The following ATXN7L1 variants were observed in gnomAD, a reference collection of about 807,000 sequenced individuals.
ATXN7L1 encodes the protein ataxin-7-like protein 1.
In ATXN7L1, 15 loss-of-function variants were observed where a neutral mutation model predicts 70.8. The ratio of observed to expected loss-of-function variants is 0.21; its 90% confidence interval spans 0.14 to 0.33. ATXN7L1 has a LOEUF of 0.33. Among genes scored for constraint, ATXN7L1 ranks in the 10% least tolerant of loss-of-function variants. ATXN7L1 has a pLI of 1.00. For synonymous variants in ATXN7L1, 440 were observed against 445.1 expected (o/e 0.99, Z 0.14); for missense variants, 975 against 1,097.1 (o/e 0.89, Z 1.57).
chr7:105,836,065 C>G (rs957546796), intron 2 of ATXN7L1, among the ~76,000 whole-genome samples: 4 of 152,162 alleles, frequency 2.6e-5, no homozygotes, highest in African/African-American at 9.7e-5. Flanking sequence ...GCAGCTGGCA[C>G]GCGCTGCATC....
At chr7:105,876,202 C>T (rs1819266506) in intron 1 of ATXN7L1, among the ~76,000 whole-genome samples, 176 bp downstream of exon 1, 1 of 152,032 alleles carries the variant, frequency 6.6e-6, no homozygotes, top group South Asian at 2.1e-4. Context: ...GCAGCCGGGC[C>T]TCTCCCTGTG....
At chr7:105,822,297 T>G (rs1810277157) in intron 2 of ATXN7L1, among the ~76,000 whole-genome samples, 1 of 152,138 alleles carries the variant, frequency 6.6e-6, no homozygotes, top group African/African-American at 2.4e-5. Context: ...ACATCTATAG[T>G]GTGGAAAACA....
chr7:105,871,342 C>T (rs1818233122), intron 2 of ATXN7L1, among the ~76,000 whole-genome samples: 1 of 152,148 alleles, frequency 6.6e-6, no homozygotes, highest in South Asian at 2.1e-4. Context: ...CCAGGTTGTC[C>T]TGGATATAAG....
At chr7:105,648,478 C>T (rs1258460392) in intron 4 of ATXN7L1, among the ~76,000 whole-genome samples, 1 of 152,206 alleles carries the variant, frequency 6.6e-6, no homozygotes, top group African/African-American at 2.4e-5. Context: ...AAGTCCTGAA[C>T]TGAGAAAGCA....
intron 3 of ATXN7L1, among the ~76,000 whole-genome samples, chr7:105,733,232 G>C (rs1584868593): frequency 6.6e-6 from 1 of 152,264 alleles, no homozygotes; most frequent in East Asian, 1.9e-4. Flanking sequence ...ATACATGAAT[G>C]AATGGGTGAT....
intron 3 of ATXN7L1, among the ~76,000 whole-genome samples, chr7:105,734,356 T>G (rs1209488894): frequency 2.0e-5 from 3 of 152,184 alleles, no homozygotes; most frequent in African/African-American, 7.2e-5. Flanking sequence ...CTACAGTCCT[T>G]TCCTCAGACT....
chr7:105,626,729 A>AATAAAAC (rs1211364441), intron 7 of ATXN7L1, among the ~76,000 whole-genome samples: 6 of 152,176 alleles, frequency 3.9e-5, no homozygotes, highest in Admixed American at 2.6e-4. Context: ...AGACCCAAAT[A>AATAAAAC]ATAAAACAAT....
intron 3 of ATXN7L1, among the ~76,000 whole-genome samples, chr7:105,677,454 T>G (rs957089181): frequency 6.6e-6 from 1 of 152,224 alleles, no homozygotes; most frequent in Non-Finnish European, 1.5e-5. Flanking sequence ...ATTACTGGTT[T>G]ACTGGTCTAA....
intron 3 of ATXN7L1, chr7:105,788,331 T>C (rs984545731): frequency 5.4e-6 from 2 of 373,680 alleles, no homozygotes; most frequent in Admixed American, 7.4e-5. Context: ...GCAGAGGCCA[T>C]CGCTAGGCTG....
intron 3 of ATXN7L1, among the ~76,000 whole-genome samples, chr7:105,701,376 T>G (rs1007235833): frequency 1.3e-5 from 2 of 152,206 alleles, no homozygotes; most frequent in African/African-American, 4.8e-5. Context: ...AATATATGCA[T>G]GTAGATACAT....
chr7:105,715,489 G>A (rs964194923), intron 3 of ATXN7L1, among the ~76,000 whole-genome samples: 1 of 152,168 alleles, frequency 6.6e-6, no homozygotes, highest in Non-Finnish European at 1.5e-5. Flanking sequence ...GAATTCCTTT[G>A]GCTGCCAAGC....
chr7:105,737,970 G>T (rs1233429632), intron 3 of ATXN7L1, among the ~76,000 whole-genome samples: 2 of 152,100 alleles, frequency 1.3e-5, no homozygotes, highest in African/African-American at 4.8e-5. Context: ...TTACTTACTT[G>T]TTTTGAATGT....
intron 3 of ATXN7L1, among the ~76,000 whole-genome samples, chr7:105,745,758 T>G (rs891452665): frequency 4.6e-5 from 7 of 152,228 alleles, no homozygotes; most frequent in African/African-American, 1.7e-4. Flanking sequence ...ACTCTCTGTT[T>G]ACCCAGAGTG....
At chr7:105,860,098 G>C (rs1467568676) in intron 2 of ATXN7L1, among the ~76,000 whole-genome samples, 2 of 129,920 alleles carry the variant, frequency 1.5e-5, no homozygotes, top group African/African-American at 2.9e-5. Flanking sequence ...TTCTTTATAA[G>C]ACATATATAC....
At position 105,614,370 on chromosome 7, in the gene ATXN7L1, G is replaced by A; in HGVS notation, c.1964C>T (p.Ser655Phe). Residue 655 changes from serine (S) to phenylalanine (F), a missense_variant, in exon 10 of 12, where the codon TCC becomes TTC. By Grantham distance (155) the Ser-to-Phe change is radical. Transcript: ENST00000419735. This position sits in a 1 kb window ranked among gnomAD's most constrained non-coding sequence, Gnocchi z 4.3. ...RKPQSSTSSS[S>F]SSSSSSLQTS... Reference sequence around the variant, plus strand: ...CTGCAAGGAAGAGGAGGAGGAGGAGGAGGAGGAGGAAGTCGAAGACTGTGG... The same window carrying A: ...CTGCAAGGAAGAGGAGGAGGAGGAGAAGGAGGAGGAAGTCGAAGACTGTGG... The A allele has an allele frequency of 6.4e-7, 1 of 1,552,464 alleles. No individual in the cohort carries two copies. Among genetic ancestry groups the A allele is most frequent in the South Asian group, 1.2e-5 (1 of 84,066 alleles).
chr7:105,668,491 G>A (rs773207387), intron 3 of ATXN7L1, among the ~76,000 whole-genome samples: 6 of 152,136 alleles, frequency 3.9e-5, no homozygotes, highest in Non-Finnish European at 8.8e-5. Flanking sequence ...TCCCTCAAGA[G>A]TTTCTCTTGA....
At chr7:105,833,067 G>C (rs1811856302) in intron 2 of ATXN7L1, among the ~76,000 whole-genome samples, 2 of 152,140 alleles carry the variant, frequency 1.3e-5, no homozygotes, top group Non-Finnish European at 2.9e-5. Flanking sequence ...ACCACACCAG[G>C]ATAAAGTCCT....
chr7:105,630,860 A>C (rs1796500297), intron 7 of ATXN7L1, among the ~76,000 whole-genome samples: 1 of 152,164 alleles, frequency 6.6e-6, no homozygotes, highest in African/African-American at 2.4e-5. Context: ...TTTGCTGGGA[A>C]ACTAAAACTC....
chr7:105,731,748 A>AAAAGAAAAG (rs1554443678), intron 3 of ATXN7L1, among the ~76,000 whole-genome samples: 2 of 106,964 alleles, frequency 1.9e-5, no homozygotes, highest in Non-Finnish European at 3.5e-5. Context: ...CTTACTCCTT[A>AAAAGAAAAG]AAAAGAAAAG....
Sources: allele counts gnomAD v4.1 joint callset (sites outside exome capture counted in the v4.1 genomes callset), GRCh38; gene constraint gnomAD v4.1.1; non-coding constraint Gnocchi (gnomAD v3.1); transcripts MANE v1.5; gene names NCBI Gene and HGNC (gene_info 2026-07-23, HGNC 2026-07-21).